Variants in RTN3 observed in about 807,000 individuals in gnomAD.
The protein encoded by RTN3 is reticulon-3.
In RTN3, 49 loss-of-function variants were observed where a neutral mutation model predicts 77.8. The ratio of observed to expected loss-of-function variants is 0.63; its 90% CI spans 0.50 to 0.80. The LOEUF (loss-of-function observed/expected upper bound fraction) is 0.80. Ranked by LOEUF, RTN3 falls within the 30% of genes least tolerant of loss-of-function variation. The pLI is 0.00. For missense variants in RTN3, 1,236 were observed against 1,211.9 expected (o/e 1.02, Z -0.29); for synonymous variants, 464 against 446.9 (o/e 1.04, Z -0.48).
chr11:63,729,531 C>T (rs1223324646), intron 3 of RTN3, among the ~76,000 whole-genome samples: 2 of 140,970 alleles, frequency 1.4e-5, no homozygotes, highest in Admixed American at 7.5e-5. Flanking sequence ...AATCATGACT[C>T]ACTGCAACCT....
chr11:63,729,345 TAAC>T (rs1304733200), intron 3 of RTN3, among the ~76,000 whole-genome samples: 1 of 150,878 alleles, frequency 6.6e-6, no homozygotes, highest in Non-Finnish European at 1.5e-5. Context: ...AAAATTGTAA[TAAC>T]GTGTATAGAG....
chr11:63,745,144 C>G (rs1174278223), intron 3 of RTN3, among the ~76,000 whole-genome samples: 1 of 152,188 alleles, frequency 6.6e-6, no homozygotes, highest in Admixed American at 6.5e-5. Flanking sequence ...TCATCCTCTT[C>G]TCCCCCAAGG....
Position 63,696,214 on chromosome 11 carries a change from T to C in RTN3, c.143-8637T>C, listed in dbSNP as rs2134673578. On this transcript the variant is annotated intron_variant, in intron 1 of 8. Transcript: ENST00000377819. Reference sequence around the variant, plus strand: ...ACAGATCTTGAGGTCAGGAGCAACATGGTGAAACCCCGTCTCTACTAAAAA... The same window carrying C: ...ACAGATCTTGAGGTCAGGAGCAACACGGTGAAACCCCGTCTCTACTAAAAA... Among the ~76,000 whole-genome samples the C allele has an allele frequency of 2.7e-5, 4 of 148,324 alleles. No individual in the cohort carries two copies. In the Middle Eastern group the frequency reaches 0.016, roughly 593 times the overall value.
intron 1 of RTN3, among the ~76,000 whole-genome samples, chr11:63,688,644 C>T (rs1266565376): frequency 6.6e-6 from 1 of 152,098 alleles, no homozygotes; most frequent in Non-Finnish European, 1.5e-5. Context: ...CCTAAATTGT[C>T]ATTTCTAAGG....
Position 63,748,807 on chromosome 11 carries a change from A to G in RTN3, c.2531-1184A>G, listed in dbSNP as rs192156850. On this transcript the variant is annotated intron_variant, in intron 3 of 8. Transcript: ENST00000377819. ...CTCAGCCTCCTGAGTAGCTGGGACTACAGGCACATACCACCATGCCCAGCT... is the reference window on the plus strand; with the variant it reads ...CTCAGCCTCCTGAGTAGCTGGGACTGCAGGCACATACCACCATGCCCAGCT... 8.0e-4 allele frequency among the ~76,000 whole-genome samples: 122 copies of G among 151,678 alleles called. 1 individual carries two copies. The highest frequency in any genetic ancestry group is 2.8e-3 in the African/African-American group (115 of 41,330).
chr11:63,698,238 C>T (rs564289348), intron 1 of RTN3, among the ~76,000 whole-genome samples: 8 of 152,182 alleles, frequency 5.3e-5, no homozygotes, highest in African/African-American at 1.9e-4. Flanking sequence ...ATCCTTTCAG[C>T]TCAGTCCCCC....
At chr11:63,684,211 C>A (rs1195764818) in intron 1 of RTN3, among the ~76,000 whole-genome samples, 2 of 136,292 alleles carry the variant, frequency 1.5e-5, no homozygotes, top group Admixed American at 8.0e-5. Flanking sequence ...TGCAGTGGTG[C>A]GATCTCAGCT....
At chr11:63,747,127 C>T in intron 3 of RTN3, 1 of 415,320 alleles carries the variant, frequency 2.4e-6, no homozygotes, top group Non-Finnish European at 4.9e-6. Flanking sequence ...CTGGTGTTTT[C>T]TGATTAGATG....
At chr11:63,701,597 G>A (rs1291469489) in intron 1 of RTN3, among the ~76,000 whole-genome samples, 1 of 151,986 alleles carries the variant, frequency 6.6e-6, no homozygotes, top group Non-Finnish European at 1.5e-5. Context: ...GAAGACACAG[G>A]GGGCACAGGC....
At chr11:63,684,311 C>T (rs1941252209) in intron 1 of RTN3, among the ~76,000 whole-genome samples, 1 of 151,876 alleles carries the variant, frequency 6.6e-6, no homozygotes. Context: ...CCATGCCCGG[C>T]TAATTTTTTG....
chr11:63,740,418 A>G (rs904145506), intron 3 of RTN3, among the ~76,000 whole-genome samples: 4 of 149,100 alleles, frequency 2.7e-5, no homozygotes, highest in Admixed American at 2.7e-4. Flanking sequence ...AGTAGCTGGG[A>G]CTACAGGTGC....
intron 8 of RTN3, among the ~76,000 whole-genome samples, chr11:63,756,710 A>G (rs1285149163): frequency 6.6e-6 from 1 of 152,110 alleles, no homozygotes; most frequent in Non-Finnish European, 1.5e-5. Context: ...CTCCAGTAGC[A>G]AGGACCATAG....
chr11:63,724,251 C>T (rs1331726134), intron 3 of RTN3, among the ~76,000 whole-genome samples: 7 of 136,132 alleles, frequency 5.1e-5, no homozygotes, highest in Non-Finnish European at 6.1e-5. Flanking sequence ...GGCGCAATCT[C>T]GGCTCACTGC....
At chr11:63,699,115 C>T (rs530840310) in intron 1 of RTN3, among the ~76,000 whole-genome samples, 1 of 152,148 alleles carries the variant, frequency 6.6e-6, no homozygotes, top group South Asian at 2.1e-4. Context: ...GGTGAAACCC[C>T]ACTAAAAATA....
chr11:63,697,498 G>A (rs1256530935), intron 1 of RTN3, among the ~76,000 whole-genome samples: 3 of 110,076 alleles, frequency 2.7e-5, no homozygotes, highest in Non-Finnish European at 6.2e-5. Flanking sequence ...ATTTTGAGAC[G>A]AAGTTTCACT....
intron 8 of RTN3, 24 bp downstream of exon 8, chr11:63,756,194 C>G: frequency 1.3e-6 from 2 of 1,525,442 alleles, no homozygotes; most frequent in Non-Finnish European, 1.8e-6. Flanking sequence ...GAGACCACAT[C>G]ATCATGAGGT....
rs765601636 is a variant in RTN3 at position 63,704,847 on chromosome 11, T to C, written c.143-4T>C. ...ATATTCTCATGCTGTATATTTTCTT[T>C]CAGATTCCTTTGTTTCTTCCTCTTC... On this transcript the variant is annotated splice_region_variant and splice_polypyrimidine_tract_variant and intron_variant, in intron 1 of 8. Coordinates refer to ENST00000377819, the MANE Select transcript of RTN3 (RefSeq NM_001265589.2). 1.2e-6 allele frequency: 2 copies of C among 1,605,488 alleles called. No homozygotes were observed. The highest frequency in any genetic ancestry group is 1.1e-5 in the South Asian group (1 of 90,902).
intron 3 of RTN3, among the ~76,000 whole-genome samples, chr11:63,729,756 A>T (rs1359955353): frequency 6.6e-6 from 1 of 151,008 alleles, no homozygotes; most frequent in African/African-American, 2.4e-5. Context: ...CACTATGCCC[A>T]GCCTGTTTCT....
At chr11:63,698,505 T>A (rs1942076760) in intron 1 of RTN3, 1 of 152,636 alleles carries the variant, frequency 6.6e-6, no homozygotes, top group African/African-American at 2.4e-5. Context: ...ATGGCACCAT[T>A]TTTTCCTTTC....
Sources: gnomAD v4.1 joint callset for allele counts (sites outside exome capture counted in the v4.1 genomes callset) on GRCh38, gnomAD v4.1.1 for gene constraint, MANE v1.5 for transcripts, NCBI Gene and HGNC (gene_info 2026-07-23, HGNC 2026-07-21) for gene names.